OSBPL9: variants seen among roughly 807,000 people sequenced by gnomAD.
OSBPL9 encodes oxysterol binding protein like 9.
OSBPL9 carries 40 observed loss-of-function variants against 106.6 expected under a neutral mutation model. The ratio of observed to expected loss-of-function variants is 0.38; its 90% CI spans 0.29 to 0.49. The LOEUF is 0.49. Among genes scored for constraint, OSBPL9 ranks in the 20% least tolerant of loss-of-function variants. The pLI, the probability that OSBPL9 is intolerant of heterozygous loss-of-function variation, is 0.97. For missense variants in OSBPL9, 609 were observed against 887.2 expected (o/e 0.69, Z 3.98); for synonymous variants, 269 against 295.4 (o/e 0.91, Z 0.92).
At chr1:51,673,060 G>A (rs1650279093) in intron 3 of OSBPL9, among the ~76,000 whole-genome samples, 1 of 152,120 alleles carries the variant, frequency 6.6e-6, no homozygotes, top group South Asian at 2.1e-4. Context: ...CAGAGCCCTG[G>A]GGCACTCAAA....
At chr1:51,759,176 G>T (rs1286524724) in intron 9 of OSBPL9, among the ~76,000 whole-genome samples, 4 of 151,198 alleles carry the variant, frequency 2.6e-5, no homozygotes, top group African/African-American at 9.7e-5. Flanking sequence ...TCATTTTTCA[G>T]TTAAAGTATT....
At chr1:51,605,870 A>G (rs1643943824) in intron 2 of OSBPL9, among the ~76,000 whole-genome samples, 1 of 152,002 alleles carries the variant, frequency 6.6e-6, no homozygotes, top group Non-Finnish European at 1.5e-5. Context: ...AATCCCAGCT[A>G]CTCAGGAGGG....
intron 1 of OSBPL9, among the ~76,000 whole-genome samples, chr1:51,636,527 G>C (rs1275262802): frequency 6.6e-6 from 1 of 151,862 alleles, no homozygotes; most frequent in East Asian, 1.9e-4. Flanking sequence ...TTGTAGAGAT[G>C]GGGTTTCACC....
rs1383600963 is a variant in OSBPL9, at chr1:51,788,820, G to A, written c.*1031G>A. ...GCCACAGCAGCAGATGGCTCATTCT[G>A]AAGGGAAATACAGAACTATATCTAT... On this transcript the variant is annotated 3_prime_UTR_variant, in exon 24 of 24. Transcript: ENST00000428468. 6.6e-6 allele frequency among the ~76,000 whole-genome samples: 1 copy of A among 151,618 alleles called. No homozygotes were observed. The highest frequency in any genetic ancestry group is 1.5e-5 in the Non-Finnish European group (1 of 67,914).
intron 3 of OSBPL9, among the ~76,000 whole-genome samples, chr1:51,711,706 G>A (rs1420512182): frequency 9.4e-5 from 14 of 148,472 alleles, no homozygotes; most frequent in African/African-American, 3.0e-4. Context: ...CGGGGCGGCC[G>A]GGCAGAGATG....
chr1:51,639,996 A>AT (rs964525968), intron 1 of OSBPL9, among the ~76,000 whole-genome samples: 14 of 149,182 alleles, frequency 9.4e-5, no homozygotes, highest in Admixed American at 1.3e-4. Context: ...GCTAATTTTT[A>AT]TTTTTTTTTA....
At chr1:51,666,029 G>A (rs1046415058) in intron 2 of OSBPL9, among the ~76,000 whole-genome samples, 6 of 151,938 alleles carry the variant, frequency 3.9e-5, no homozygotes, top group African/African-American at 1.2e-4. Flanking sequence ...TGTATTTTTA[G>A]TAGAGACAGG....
At chr1:51,654,003 C>T (rs978285125) in intron 2 of OSBPL9, among the ~76,000 whole-genome samples, 4 of 150,802 alleles carry the variant, frequency 2.7e-5, no homozygotes, top group Admixed American at 1.3e-4. Flanking sequence ...CCCTGAGACC[C>T]TATCTGAAAA....
At chr1:51,531,450 T>C in the OSBPL9 span, among the ~76,000 whole-genome samples, 5 of 152,152 alleles carry the variant, frequency 3.3e-5, no homozygotes, top group East Asian at 9.6e-4. Flanking sequence ...GGTCAGATTC[T>C]GTACATATTG....
chr1:51,711,987 C>T (rs905709129), intron 3 of OSBPL9, among the ~76,000 whole-genome samples: 1 of 151,708 alleles, frequency 6.6e-6, no homozygotes, highest in Non-Finnish European at 1.5e-5. Context: ...CAGGCAGAGA[C>T]ACTCCTCACT....
chr1:51,757,992 T>C (rs1483984479), intron 9 of OSBPL9, among the ~76,000 whole-genome samples: 4 of 152,316 alleles, frequency 2.6e-5, no homozygotes, highest in Non-Finnish European at 5.9e-5. Flanking sequence ...AGTAGTATTA[T>C]TTTTGCTTCT....
At chr1:51,786,455 C>G (rs1251168937) in intron 21 of OSBPL9, 71 bp from the exon 22 acceptor site, 4 of 987,036 alleles carry the variant, frequency 4.1e-6, no homozygotes, top group African/African-American at 1.6e-5. Flanking sequence ...GTGTCAAAAG[C>G]ACTACAATGC....
chr1:51,676,515 G>A (rs1021236708), intron 3 of OSBPL9, among the ~76,000 whole-genome samples: 8 of 151,850 alleles, frequency 5.3e-5, no homozygotes, highest in African/African-American at 1.2e-4. Context: ...CTAATTAGCC[G>A]GGAGTGGTGG....
In OSBPL9 at chr1:51,622,018, GT is replaced by G. The variant is rs60458536; in HGVS notation, c.111+4808del. ...ATCAGTAGGTTCAGGTGAAATGTGT[GT>G]TTTTTTTTTTATTTTAAAGAATATG... On this transcript the variant is annotated intron_variant, in intron 1 of 23. Coordinates refer to ENST00000428468, the MANE Select transcript of OSBPL9 (RefSeq NM_024586.6). 5.3e-3 allele frequency among the ~76,000 whole-genome samples: 779 copies of G among 146,926 alleles called. 7 individuals carry two copies. Among genetic ancestry groups the G allele is most frequent in the East Asian group, 0.042 (216 of 5,090 alleles).
the OSBPL9 span, chr1:51,518,516 C>T: frequency 6.5e-6 from 1 of 152,770 alleles, no homozygotes; most frequent in South Asian, 2.1e-4. Flanking sequence ...GGGGGTCTGA[C>T]CCAGAAGGAA....
At chr1:51,580,352 G>A (rs560521504) in intron 1 of OSBPL9, among the ~76,000 whole-genome samples, 3 of 152,308 alleles carry the variant, frequency 2.0e-5, no homozygotes, top group Non-Finnish European at 2.9e-5. Context: ...CAGATAGTAG[G>A]TGCTCAATAA....
intron 3 of OSBPL9, among the ~76,000 whole-genome samples, chr1:51,697,020 C>T (rs1463081676): frequency 3.3e-5 from 5 of 151,826 alleles, no homozygotes; most frequent in Admixed American, 1.3e-4. Context: ...ATTAGCTGGG[C>T]GTAGTGGCTT....
upstream of OSBPL9, among the ~76,000 whole-genome samples, chr1:51,576,763 G>GCGAT (rs1645186478): frequency 6.6e-6 from 1 of 152,178 alleles, no homozygotes; most frequent in South Asian, 2.1e-4. Context: ...CTGGGCTCAA[G>GCGAT]CGATCCTACT....
chr1:51,590,840 T>G (rs2148601286), intron 1 of OSBPL9, among the ~76,000 whole-genome samples: 1 of 151,464 alleles, frequency 6.6e-6, no homozygotes, highest in African/African-American at 2.4e-5. Flanking sequence ...ACCTCAAACT[T>G]CTGGGTTCAC....
Sources: allele counts gnomAD v4.1 joint callset (sites outside exome capture counted in the v4.1 genomes callset), GRCh38; gene constraint gnomAD v4.1.1; transcripts MANE v1.5; gene names NCBI Gene and HGNC (gene_info 2026-07-23, HGNC 2026-07-21).